DYNC2I1: variants seen among roughly 807,000 people sequenced by gnomAD.
DYNC2I1 encodes the protein cytoplasmic dynein 2 intermediate chain 1.
Under a neutral mutation model 133.4 loss-of-function variants are expected in DYNC2I1, and 89 were observed. That is an observed-to-expected ratio of 0.67 (90% CI 0.56 to 0.80). The LOEUF (loss-of-function observed/expected upper bound fraction) is 0.80. DYNC2I1 is among the 30% of genes least tolerant of loss of function. DYNC2I1 has a pLI of 0.00. For synonymous variants in DYNC2I1, 504 were observed against 484.3 expected (o/e 1.04, Z -0.54); for missense variants, 1,291 against 1,314.5 (o/e 0.98, Z 0.28).
intron 24 of DYNC2I1, among the ~76,000 whole-genome samples, chr7:158,944,585 G>T (rs1170405829): frequency 4.6e-5 from 7 of 152,192 alleles, no homozygotes; most frequent in Non-Finnish European, 2.9e-5. Context: ...CCCTTTTGGG[G>T]TGTCACGAGG....
chr7:158,851,192 C>G, the DYNC2I1 span, among the ~76,000 whole-genome samples: 4 of 151,906 alleles, frequency 2.6e-5, no homozygotes, highest in Non-Finnish European at 5.9e-5. Flanking sequence ...TCTTTTGAAA[C>G]AGGATAATTG....
chr7:158,857,540 G>GTT (rs1278230154), intron 1 of DYNC2I1, among the ~76,000 whole-genome samples: 30 of 100,884 alleles, frequency 3.0e-4, no homozygotes, highest in Non-Finnish European at 5.1e-4. Flanking sequence ...TTAGGTTTTT[G>GTT]TTTTTTTTTT....
chr7:158,905,930 T>G, intron 10 of DYNC2I1, 59 bp from the exon 11 acceptor site: 1 of 1,350,082 alleles, frequency 7.4e-7, no homozygotes, highest in Non-Finnish European at 1.0e-6. Context: ...TCCAGATATT[T>G]TTTTGCTTGG....
At chr7:158,839,725 C>T in the DYNC2I1 span, among the ~76,000 whole-genome samples, 1 of 151,828 alleles carries the variant, frequency 6.6e-6, no homozygotes, top group South Asian at 2.1e-4. Flanking sequence ...GAGGCTGAGG[C>T]AGGAGAATGG....
chr7:158,931,545 G>T lies in DYNC2I1; in HGVS notation c.2546+1030G>T, dbSNP rs1490799046. On this transcript the variant is annotated intron_variant, in intron 21 of 24. Coordinates refer to ENST00000407559, the MANE Select transcript of DYNC2I1 (RefSeq NM_018051.5). ...CAGTTCCCCCACTGAGTTTCTTTAC[G>T]ACTTTTTATCTCTGCTAGGGCCCTT... Among the ~76,000 whole-genome samples, 12 of 152,278 alleles carry T rather than the reference G, an allele frequency of 7.9e-5. No homozygotes were observed. The East Asian group carries it at 2.3e-3, about 29-fold the overall frequency.
At chr7:158,884,702 T>C in intron 6 of DYNC2I1, 83 bp downstream of exon 6, 2 of 1,434,702 alleles carry the variant, frequency 1.4e-6, no homozygotes. Context: ...TTGGCTCCGA[T>C]GACGGCCAGT....
intron 11 of DYNC2I1, among the ~76,000 whole-genome samples, chr7:158,911,237 A>G (rs373965844): frequency 6.6e-6 from 1 of 152,182 alleles, no homozygotes; most frequent in Non-Finnish European, 1.5e-5. Context: ...TCCCAGGCAT[A>G]TATGTTGTGT....
chr7:158,896,981 A>G (rs1464900854), intron 8 of DYNC2I1, among the ~76,000 whole-genome samples: 1 of 142,256 alleles, frequency 7.0e-6, no homozygotes, highest in Non-Finnish European at 1.5e-5. Context: ...GAATTGTATA[A>G]TTTCTTTTTT....
At chr7:158,850,348 C>T in the DYNC2I1 span, among the ~76,000 whole-genome samples, 6,815 of 152,236 alleles carry the variant, frequency 0.045, 438 homozygotes, top group African/African-American at 0.14. Flanking sequence ...CAGATCCTGC[C>T]TGTTTCTGGC....
chr7:158,901,433 T>C (rs1846250131), intron 8 of DYNC2I1, among the ~76,000 whole-genome samples: 1 of 152,202 alleles, frequency 6.6e-6, no homozygotes, highest in East Asian at 1.9e-4. Context: ...AATATATTCA[T>C]GGATAAGAAA....
At chr7:158,926,356 T>G (rs1849619157) in intron 18 of DYNC2I1, 46 bp from the exon 19 acceptor site, 3 of 1,601,726 alleles carry the variant, frequency 1.9e-6, no homozygotes, top group African/African-American at 1.3e-5. Context: ...AAATATGGTT[T>G]CCTTATTTAA....
In DYNC2I1 at chr7:158,941,074, CTT is replaced by C. The variant is rs200960873; in HGVS notation, c.2779-848_2779-847del. Reference sequence around the variant, plus strand: ...TTGAAAGATAAGCAAAATCGACAAACTTTTAGCTAGAATAACTAAGAAAAAAG... The same window carrying C: ...TTGAAAGATAAGCAAAATCGACAAACTTAGCTAGAATAACTAAGAAAAAAG... On this transcript the variant is annotated intron_variant, in intron 23 of 24. Coordinates refer to ENST00000407559, the MANE Select transcript of DYNC2I1 (RefSeq NM_018051.5). Among the ~76,000 whole-genome samples the C allele has an allele frequency of 3.5e-3, 530 of 151,920 alleles. 7 individuals carry two copies. The highest frequency in any genetic ancestry group is 0.012 in the African/African-American group (480 of 41,546).
chr7:158,912,479 G>C (rs927609735), intron 12 of DYNC2I1, among the ~76,000 whole-genome samples: 2 of 152,108 alleles, frequency 1.3e-5, no homozygotes, highest in East Asian at 3.9e-4. Context: ...TTAAGAGACA[G>C]GGTCTTGCTC....
chr7:158,895,954 C>G (rs1845719523), intron 8 of DYNC2I1, among the ~76,000 whole-genome samples: 1 of 152,120 alleles, frequency 6.6e-6, no homozygotes, highest in South Asian at 2.1e-4. Flanking sequence ...AAGCGACTGA[C>G]TTTTGTATAC....
At chr7:158,918,712 T>A (rs1419625781) in intron 14 of DYNC2I1, 28 bp from the exon 15 acceptor site, 3 of 1,605,420 alleles carry the variant, frequency 1.9e-6, no homozygotes, top group Non-Finnish European at 1.7e-6. Flanking sequence ...GAAGTTTTTA[T>A]TAAAGACTAC....
intron 1 of DYNC2I1, among the ~76,000 whole-genome samples, chr7:158,866,474 T>A (rs1365034647): frequency 6.6e-6 from 1 of 152,056 alleles, no homozygotes; most frequent in Non-Finnish European, 1.5e-5. Context: ...GGTCTCCTGG[T>A]TGGACTGTCC....
intron 11 of DYNC2I1, 66 bp from the exon 12 acceptor site, chr7:158,911,484 C>T: frequency 1.3e-6 from 2 of 1,536,766 alleles, no homozygotes; most frequent in Admixed American, 1.9e-5. Flanking sequence ...TACTTCTGTT[C>T]TCCCTACACT....
intron 8 of DYNC2I1, among the ~76,000 whole-genome samples, chr7:158,899,605 G>T (rs747311439): frequency 1.3e-5 from 2 of 152,282 alleles, no homozygotes; most frequent in East Asian, 1.9e-4. Context: ...CACATGTTGT[G>T]GGAGGGACCC....
chr7:158,877,702 C>CT (rs973539452), intron 4 of DYNC2I1, among the ~76,000 whole-genome samples: 31 of 151,940 alleles, frequency 2.0e-4, no homozygotes, highest in Non-Finnish European at 3.4e-4. Context: ...TTTTTTCTCT[C>CT]TTTTTTTTAT....
Sources: gnomAD v4.1 joint callset for allele counts (sites outside exome capture counted in the v4.1 genomes callset) on GRCh38, gnomAD v4.1.1 for gene constraint, MANE v1.5 for transcripts, NCBI Gene and HGNC (gene_info 2026-07-23, HGNC 2026-07-21) for gene names.